Variants in ZNRF1 observed in about 807,000 individuals in gnomAD.
ZNRF1 encodes the protein zinc and ring finger 1, also known as E3 ubiquitin-protein ligase ZNRF1.
In ZNRF1, 3 loss-of-function variants were observed where a neutral mutation model predicts 18.4. That is an observed-to-expected ratio of 0.16 (90% CI 0.07 to 0.42). The LOEUF is 0.42. Ranked by LOEUF, ZNRF1 falls within the 10% of genes least tolerant of loss-of-function variation. The pLI is 0.99. For missense variants in ZNRF1, 310 were observed against 329.8 expected, an observed-to-expected ratio of 0.94 and a Z score of 0.47; for synonymous variants, 157 against 144.2, an observed-to-expected ratio of 1.09 and a Z score of -0.64.
chr16:75,019,157 C>T (rs1367862991), intron 1 of ZNRF1, among the ~76,000 whole-genome samples: 1 of 151,652 alleles, frequency 6.6e-6, no homozygotes, highest in Non-Finnish European at 1.5e-5. Context: ...CAGAGTGAGA[C>T]GTCTCAAAAA....
intron 1 of ZNRF1, among the ~76,000 whole-genome samples, chr16:75,008,975 C>T (rs776841587): frequency 2.6e-5 from 4 of 152,192 alleles, no homozygotes; most frequent in Non-Finnish European, 5.9e-5. Flanking sequence ...ATGAGGGGTC[C>T]TCTGTCCTCT....
intron 1 of ZNRF1, among the ~76,000 whole-genome samples, chr16:75,015,429 G>C (rs1415426575): frequency 6.6e-6 from 1 of 152,140 alleles, no homozygotes; most frequent in African/African-American, 2.4e-5. Flanking sequence ...TACAAAATGA[G>C]CTGGGCGTGG....
chr16:75,097,609 C>T (rs1226568578), intron 2 of ZNRF1, among the ~76,000 whole-genome samples: 1 of 152,118 alleles, frequency 6.6e-6, no homozygotes, highest in Non-Finnish European at 1.5e-5. Context: ...TGCTTGAGCT[C>T]AGGAATTTGA....
chr16:75,007,799 CCAAA>C (rs1231859138), intron 1 of ZNRF1, among the ~76,000 whole-genome samples: 2 of 152,302 alleles, frequency 1.3e-5, no homozygotes, highest in East Asian at 1.9e-4. Context: ...TTTTCTCTCC[CCAAA>C]CAGAGAAATA....
Position 75,042,841 on chromosome 16 carries a change from G to T in ZNRF1, c.424+42746G>T, listed in dbSNP as rs550253197. ...ACCTCTCACAGAGGGCCTGAAATGG[G>T]CTCACTGCTCTTTAGAGGTTATAAT... is the stretch of plus-strand genomic sequence containing the variant. On this transcript the variant is annotated intron_variant, in intron 1 of 4. Coordinates refer to ENST00000335325, the MANE Select transcript of ZNRF1 (RefSeq NM_032268.5). Among the ~76,000 whole-genome samples, 6 of 152,246 alleles carry T rather than the reference G, an allele frequency of 3.9e-5. No homozygotes were observed. In the South Asian group the frequency reaches 1.2e-3, roughly 32 times the overall value.
At chr16:75,000,286 C>G (rs939417256) in intron 1 of ZNRF1, 191 bp downstream of exon 1, 2 of 897,774 alleles carry the variant, frequency 2.2e-6, no homozygotes, top group South Asian at 1.4e-5. Flanking sequence ...GCTGCGGAGC[C>G]TGGCGATTTA....
intron 1 of ZNRF1, among the ~76,000 whole-genome samples, chr16:75,024,734 C>T (rs1201042941): frequency 6.6e-6 from 1 of 152,264 alleles, no homozygotes; most frequent in Non-Finnish European, 1.5e-5. Flanking sequence ...AAGCAGAAGA[C>T]AACAGACCTT....
intron 1 of ZNRF1, among the ~76,000 whole-genome samples, chr16:75,003,568 T>C (rs376795396): frequency 2.0e-5 from 3 of 152,126 alleles, no homozygotes; most frequent in African/African-American, 7.2e-5. Flanking sequence ...GGTTAGTAGG[T>C]GGTGGAGATG....
rs373367703 is a variant in ZNRF1, at chr16:75,093,544, C to T, written c.425-28C>T. 110 of 1,573,990 alleles carry T rather than the reference C, an allele frequency of 7.0e-5. No individual in the cohort carries two copies. The South Asian group carries it at 1.0e-3, about 15-fold the overall frequency. On this transcript the variant is annotated intron_variant, in intron 1 of 4. Coordinates refer to ENST00000335325, the MANE Select transcript of ZNRF1 (RefSeq NM_032268.5). The stretch of plus-strand genomic sequence containing the variant: ...GTGGATGTACTGGATCTGGAGAAAA[C>T]ATTTCATCCCATTCTCCTCTCTTTC...
At chr16:75,088,291 T>C (rs2036097467) in intron 1 of ZNRF1, among the ~76,000 whole-genome samples, 1 of 152,222 alleles carries the variant, frequency 6.6e-6, no homozygotes, top group African/African-American at 2.4e-5. Flanking sequence ...ATATTAGTCT[T>C]TTCTAGCTGT....
chr16:75,048,272 C>T (rs2035542201), intron 1 of ZNRF1, among the ~76,000 whole-genome samples: 1 of 152,254 alleles, frequency 6.6e-6, no homozygotes, highest in South Asian at 2.1e-4. Flanking sequence ...CTCATATGAA[C>T]ACCAGTTATG....
chr16:75,100,884 G>A lies in ZNRF1; in HGVS notation c.521-3900G>A, dbSNP rs2036247334. On this transcript the variant is annotated intron_variant, in intron 2 of 4. Transcript: ENST00000335325. The stretch of plus-strand genomic sequence containing the variant: ...CTATGCTGTTTTTCCTCCCATCTCT[G>A]TTGAGGTTTTTCCCTCTGTTTTATT... Among the ~76,000 whole-genome samples, 3 of 152,150 alleles carry A rather than the reference G, an allele frequency of 2.0e-5. 1 individual carries two copies. In the South Asian group the frequency reaches 6.2e-4, roughly 31 times the overall value.
intron 1 of ZNRF1, among the ~76,000 whole-genome samples, chr16:75,038,714 C>T (rs1219019085): frequency 6.6e-6 from 1 of 152,166 alleles, no homozygotes; most frequent in Non-Finnish European, 1.5e-5. Flanking sequence ...TCCAGGAAGT[C>T]CTGTGTGTGT....
At chr16:75,083,043 A>G (rs2036033492) in intron 1 of ZNRF1, among the ~76,000 whole-genome samples, 1 of 152,252 alleles carries the variant, frequency 6.6e-6, no homozygotes, top group Non-Finnish European at 1.5e-5. Context: ...CATATTGAAA[A>G]AAATTGTTGG....
chr16:74,999,835 C>T lies in ZNRF1; in HGVS notation c.164C>T (p.Ala55Val). The change falls in exon 1 of 5, where the codon GCA becomes GTA. Residue 55 changes from alanine (A) to valine (V), a missense_variant. Around this residue, in one of 2 missense-constraint regions of ZNRF1, gnomAD observed 293 missense variants for 291.2 expected, o/e 1.01. Transcript: ENST00000335325. The stretch of plus-strand genomic sequence containing the variant: ...CGCAGCCGCTCGGTCAGCTCGGTGG[C>T]AGGCATGGGCATGGACCCCAGCACG... ...GLRSRSVSSV[A>V]GMGMDPSTAG... The T allele has an allele frequency of 6.8e-7, 1 of 1,465,362 alleles. No homozygotes were observed. The highest frequency in any genetic ancestry group is 9.0e-7 in the Non-Finnish European group (1 of 1,112,348). 90.8% of individuals were successfully genotyped at this position (1,465,362 alleles called of 1,614,324 possible). A position where few individuals can be genotyped will look rare whatever the true frequency, so the allele number is the denominator to read the frequency against.
At position 75,107,769 on chromosome 16, in the gene ZNRF1, G is replaced by A. The variant is rs965922243; in HGVS notation, c.*69G>A. ...CCCTGCTCCAGGGAGGAGGCTCACC[G>A]GACCCTGGGGCAGAGCTGAGCTTGG... is the stretch of plus-strand genomic sequence containing the variant. On this transcript the variant is annotated 3_prime_UTR_variant, in exon 5 of 5. Transcript: ENST00000335325. The A allele has an allele frequency of 1.3e-5, 6 of 456,358 alleles. No homozygotes were observed. The highest frequency in any genetic ancestry group is 2.2e-5 in the Non-Finnish European group (5 of 226,802). 28.3% of individuals were successfully genotyped at this position (456,358 alleles called of 1,614,324 possible). A position where few individuals can be genotyped will look rare whatever the true frequency, so the allele number is the denominator to read the frequency against.
At chr16:75,010,711 G>GTTGTTTT (rs1555509222) in intron 1 of ZNRF1, among the ~76,000 whole-genome samples, 1 of 74,324 alleles carries the variant, frequency 1.3e-5, no homozygotes, top group Non-Finnish European at 3.1e-5. Context: ...GTTTTTTTTT[G>GTTGTTTT]TTTTTTTGTT....
At chr16:75,004,672 G>A (rs55863825) in intron 1 of ZNRF1, among the ~76,000 whole-genome samples, 1 of 152,164 alleles carries the variant, frequency 6.6e-6, no homozygotes, top group African/African-American at 2.4e-5. Context: ...GGAGTGCCAT[G>A]GTGCAATCAT....
intron 1 of ZNRF1, among the ~76,000 whole-genome samples, chr16:75,056,777 C>G (rs543160240): frequency 6.6e-5 from 10 of 152,226 alleles, no homozygotes; most frequent in African/African-American, 2.2e-4. Context: ...CAGGTGTGTG[C>G]CACCATGCTT....
Sources: gnomAD v4.1 joint callset for allele counts (sites outside exome capture counted in the v4.1 genomes callset) on GRCh38, gnomAD v4.1.1 for gene constraint, gnomAD v4.1.1 regional missense constraint, MANE v1.5 for transcripts, NCBI Gene and HGNC (gene_info 2026-07-23, HGNC 2026-07-21) for gene names.